Variants in TTC23 observed in about 807,000 individuals in gnomAD.
The protein encoded by TTC23 is tetratricopeptide repeat domain 23, also known as tetratricopeptide repeat protein 23.
TTC23 carries 58 observed loss-of-function variants against 55.1 expected under a neutral mutation model. The ratio of observed to expected loss-of-function variants is 1.05; its 90% CI spans 0.85 to 1.31. The LOEUF (loss-of-function observed/expected upper bound fraction) is 1.31. Among genes scored for constraint, TTC23 ranks in the 50% most tolerant of loss-of-function variants. The pLI, the probability that TTC23 is intolerant of heterozygous loss-of-function variation, is 0.00. For missense variants in TTC23, 516 were observed against 534.4 expected (o/e 0.97, Z 0.34); for synonymous variants, 203 against 199.9 (o/e 1.02, Z -0.13).
intron 9 of TTC23, among the ~76,000 whole-genome samples, chr15:99,190,190 A>G (rs1324079390): frequency 6.6e-6 from 1 of 151,268 alleles, no homozygotes; most frequent in African/African-American, 2.4e-5. Flanking sequence ...AAAAAGAAAG[A>G]AAGAAAGAAA....
At chr15:99,141,744 TA>T (rs2068254957) in intron 12 of TTC23, among the ~76,000 whole-genome samples, 1 of 152,168 alleles carries the variant, frequency 6.6e-6, no homozygotes, top group Non-Finnish European at 1.5e-5. Flanking sequence ...GTGGAAACTA[TA>T]AAAACTGAAT....
chr15:99,197,931 A>C (rs977350797), intron 9 of TTC23, among the ~76,000 whole-genome samples: 3 of 151,994 alleles, frequency 2.0e-5, no homozygotes, highest in Non-Finnish European at 4.4e-5. Context: ...AAAAGAAAAA[A>C]GAAAGGGACA....
chr15:99,137,985 C>T lies in TTC23; in HGVS notation c.*25G>A. The stretch of plus-strand genomic sequence containing the variant: ...CCTAAATGACAGTGCCCAGGAATGT[C>T]CTAGGCTTTTTCAGGGTGGGGGCCT... On this transcript the variant is annotated 3_prime_UTR_variant, in exon 14 of 14. Coordinates refer to ENST00000394132, the MANE Select transcript of TTC23 (RefSeq NM_001288615.3). The T allele has an allele frequency of 1.2e-6, 2 of 1,613,944 alleles. No individual in the cohort carries two copies. The highest frequency in any genetic ancestry group is 2.2e-5 in the East Asian group (1 of 44,858).
chr15:99,250,155 C>T (rs1335466951), upstream of TTC23, among the ~76,000 whole-genome samples: 1 of 152,120 alleles, frequency 6.6e-6, no homozygotes, highest in Non-Finnish European at 1.5e-5. Flanking sequence ...TGTTTTTACA[C>T]AAAATGTGGA....
intron 4 of TTC23, among the ~76,000 whole-genome samples, chr15:99,233,542 A>T (rs1480687991): frequency 6.6e-6 from 1 of 152,216 alleles, no homozygotes; most frequent in Non-Finnish European, 1.5e-5. Context: ...CTAATATCTA[A>T]TATCTATTCC....
intron 3 of TTC23, among the ~76,000 whole-genome samples, chr15:99,240,953 C>A (rs773409895): frequency 2.0e-5 from 3 of 152,174 alleles, no homozygotes; most frequent in Admixed American, 6.5e-5. Context: ...GCATTTGAGT[C>A]TGTGGCCTTA....
At chr15:99,244,876 T>G (rs1386568166) in intron 2 of TTC23, among the ~76,000 whole-genome samples, 4 of 152,212 alleles carry the variant, frequency 2.6e-5, no homozygotes, top group Non-Finnish European at 5.9e-5. Flanking sequence ...ATTTTTAAAA[T>G]GTACTATAAA....
At chr15:99,201,776 C>T (rs2076222078) in intron 8 of TTC23, among the ~76,000 whole-genome samples, 2 of 152,126 alleles carry the variant, frequency 1.3e-5, no homozygotes, top group Admixed American at 1.3e-4. Flanking sequence ...TGTGGGCTTC[C>T]TTTCTGATGC....
chr15:99,176,381 G>C (rs1274074203), intron 9 of TTC23, among the ~76,000 whole-genome samples: 1 of 152,144 alleles, frequency 6.6e-6, no homozygotes, highest in South Asian at 2.1e-4. Context: ...GGGGACTGAG[G>C]CTGGAGATTG....
intron 8 of TTC23, among the ~76,000 whole-genome samples, chr15:99,213,597 T>G (rs980702764): frequency 3.9e-5 from 6 of 152,250 alleles, no homozygotes; most frequent in Admixed American, 3.9e-4. Context: ...CAGGAAGGGA[T>G]TCTGGACTGG....
chr15:99,175,380 C>T (rs956765057), intron 9 of TTC23, among the ~76,000 whole-genome samples: 12 of 152,220 alleles, frequency 7.9e-5, no homozygotes, highest in South Asian at 2.1e-4. Flanking sequence ...ATGCTATGGC[C>T]AGGGCCTGTC....
chr15:99,190,157 G>T (rs1421165702), intron 9 of TTC23, among the ~76,000 whole-genome samples: 1 of 150,402 alleles, frequency 6.6e-6, no homozygotes, highest in Non-Finnish European at 1.5e-5. Context: ...TCCAGCCTGG[G>T]TGACAAAGCA....
At chr15:99,195,338 A>AT (rs1295663915) in intron 9 of TTC23, among the ~76,000 whole-genome samples, 3 of 152,246 alleles carry the variant, frequency 2.0e-5, no homozygotes, top group Admixed American at 2.0e-4. Context: ...CCCATATCAT[A>AT]TATCACCAGG....
At chr15:99,228,348 G>A (rs947791928) in intron 5 of TTC23, 185 bp downstream of exon 5, 34 of 454,476 alleles carry the variant, frequency 7.5e-5, no homozygotes, top group African/African-American at 2.0e-4. Flanking sequence ...TTGGCCATGC[G>A]AACTGCTGTG....
At chr15:99,193,864 T>C (rs1236529668) in intron 9 of TTC23, among the ~76,000 whole-genome samples, 1 of 151,842 alleles carries the variant, frequency 6.6e-6, no homozygotes, top group Non-Finnish European at 1.5e-5. Context: ...CAAAAATTAG[T>C]TGGATGTGGT....
intron 8 of TTC23, among the ~76,000 whole-genome samples, chr15:99,202,290 AT>A (rs1157793952): frequency 6.6e-6 from 1 of 152,184 alleles, no homozygotes; most frequent in African/African-American, 2.4e-5. Context: ...AAGGAAAAAA[AT>A]ATTCATCTTT....
chr15:99,245,133 A>C (rs1027387932), intron 2 of TTC23, among the ~76,000 whole-genome samples: 1 of 152,208 alleles, frequency 6.6e-6, no homozygotes, highest in African/African-American at 2.4e-5. Context: ...CCTCAAATGT[A>C]TATAATTTTT....
Position 99,139,343 on chromosome 15 carries a change from G to A in TTC23, c.1200C>T (p.Thr400=), listed in dbSNP as rs1268961722. The change falls in exon 13 of 14, where the codon ACC becomes ACT. Residue 400 remains threonine (T), a synonymous_variant. Transcript: ENST00000394132. The part of the protein sequence containing the change: ...YGPQDKRTLA[T]QQAMGMLSTA... ...TGGACAGCATGCCCATGGCCTGCTG[G>A]GTGGCCAGAGTCCTTTTGTCCTGCG... is the stretch of plus-strand genomic sequence containing the variant. 4.3e-6 allele frequency: 7 copies of A among 1,613,652 alleles called. No homozygotes were observed. In the African/African-American group the frequency reaches 8.0e-5, roughly 18 times the overall value.
At chr15:99,247,662 CAG>C (rs1287353386) in intron 1 of TTC23, among the ~76,000 whole-genome samples, 5 of 152,036 alleles carry the variant, frequency 3.3e-5, no homozygotes, top group Non-Finnish European at 7.4e-5. Context: ...AATTTATAGA[CAG>C]AAAGTTTTTT....
Sources: gnomAD v4.1 joint callset for allele counts (sites outside exome capture counted in the v4.1 genomes callset) on GRCh38, gnomAD v4.1.1 for gene constraint, MANE v1.5 for transcripts, NCBI Gene and HGNC (gene_info 2026-07-23, HGNC 2026-07-21) for gene names.